Variants in NLGN1 observed in about 807,000 individuals in gnomAD.
The protein encoded by NLGN1 is neuroligin-1.
Under a neutral mutation model 65.5 loss-of-function variants are expected in NLGN1, and 12 were observed. That is an observed-to-expected ratio of 0.18 (90% CI 0.12 to 0.30). The LOEUF (loss-of-function observed/expected upper bound fraction) is 0.30, where lower values mean the gene tolerates loss of function less well. Ranked by LOEUF, NLGN1 falls within the 10% of genes least tolerant of loss-of-function variation. The probability of loss-of-function intolerance (pLI) is 1.00; values close to 1 mark genes in which losing one functional copy is unlikely to be tolerated. For missense variants in NLGN1, 750 were observed against 1,007.1 expected (o/e 0.74, Z 3.46); for synonymous variants, 350 against 359.5 (o/e 0.97, Z 0.30).
intron 2 of NLGN1, among the ~76,000 whole-genome samples, chr3:173,444,553 CA>C (rs1259791421): frequency 6.6e-6 from 1 of 151,722 alleles, no homozygotes; most frequent in Non-Finnish European, 1.5e-5. Context: ...TTTGGTCTTT[CA>C]AAAAAATATA....
intron 4 of NLGN1, among the ~76,000 whole-genome samples, chr3:174,223,116 C>T (rs181180026): frequency 1.2e-4 from 18 of 152,218 alleles, no homozygotes; most frequent in East Asian, 1.9e-4. Context: ...GATACTTCAA[C>T]TCTCCTAACA....
At chr3:174,118,302 G>A (rs567921419) in intron 4 of NLGN1, among the ~76,000 whole-genome samples, 7 of 152,130 alleles carry the variant, frequency 4.6e-5, no homozygotes, top group South Asian at 2.1e-4. Flanking sequence ...CTGCTTCAGC[G>A]TCAGAGCTCT....
At chr3:173,579,973 A>G (rs2149359643) in intron 2 of NLGN1, among the ~76,000 whole-genome samples, 1 of 152,224 alleles carries the variant, frequency 6.6e-6, no homozygotes, top group South Asian at 2.1e-4. Context: ...TAGTAGGTAT[A>G]TATGTTTATG....
chr3:173,914,956 C>T (rs532910447), intron 4 of NLGN1: 6 of 152,174 alleles, frequency 3.9e-5, no homozygotes, highest in South Asian at 4.1e-4. Context: ...TTATTTTCAA[C>T]GGCGAATAAT....
chr3:173,580,734 G>A, intron 2 of NLGN1, among the ~76,000 whole-genome samples: 1 of 151,586 alleles, frequency 6.6e-6, no homozygotes. Context: ...ACCTTACTCT[G>A]TGAACTCATT....
chr3:173,461,192 C>T (rs1256726131), intron 2 of NLGN1, among the ~76,000 whole-genome samples: 7 of 152,098 alleles, frequency 4.6e-5, no homozygotes, highest in East Asian at 1.9e-4. Flanking sequence ...CATGCATGGC[C>T]GAAATCCTTG....
intron 4 of NLGN1, among the ~76,000 whole-genome samples, chr3:174,089,196 G>A (rs190509593): frequency 6.6e-6 from 1 of 152,246 alleles, no homozygotes; most frequent in Non-Finnish European, 1.5e-5. Context: ...GGACGGGAGC[G>A]TGATCAGCAT....
chr3:174,280,977 C>G lies in NLGN1; in HGVS notation c.2146C>G (p.Arg716Gly), dbSNP rs1466970348. ...TGTTCACAGGAGATGCAGCCCTCAG[C>G]GCACTACTACCAATGATCTAACCCA... The change falls in exon 7 of 7, where the codon CGC becomes GGC. Residue 716 changes from arginine to glycine, a missense_variant. Transcript: ENST00000457714. This position sits in a 1 kb window ranked among gnomAD's most constrained non-coding sequence, Gnocchi z 4.9. 1 of 1,613,340 alleles carries G rather than the reference C, an allele frequency of 6.2e-7. No individual in the cohort carries two copies. Among genetic ancestry groups the G allele is most frequent in the African/African-American group, 1.3e-5 (1 of 74,958 alleles).
At chr3:173,810,979 A>G (rs2150472013) in intron 4 of NLGN1, among the ~76,000 whole-genome samples, 1 of 152,308 alleles carries the variant, frequency 6.6e-6, no homozygotes, top group South Asian at 2.1e-4. Context: ...AGGGAAGGGA[A>G]TGCAGGACTC....
chr3:173,996,843 G>A (rs1030838656), intron 4 of NLGN1, among the ~76,000 whole-genome samples: 2 of 152,142 alleles, frequency 1.3e-5, no homozygotes, highest in Admixed American at 6.5e-5. Context: ...TTCTGGCAGG[G>A]GAGGTGGTTG....
At chr3:173,993,264 C>G (rs985524327) in intron 4 of NLGN1, among the ~76,000 whole-genome samples, 2 of 152,120 alleles carry the variant, frequency 1.3e-5, no homozygotes, top group Admixed American at 6.5e-5. Context: ...AGATCAATGC[C>G]TCATGGGTTT....
In NLGN1 at chr3:173,474,053, A is replaced by C. The variant is rs574675951; in HGVS notation, c.-321+38975A>C. Among the ~76,000 whole-genome samples, 7 of 152,300 alleles carry C rather than the reference A, an allele frequency of 4.6e-5. No homozygotes were observed. The South Asian group carries it at 6.2e-4, about 14-fold the overall frequency. ...ATGTTGTTAGCCTAGGCCAGGTCTC[A>C]GTTGAACTTTTTAATACTGGGTGTA... On this transcript the variant is annotated intron_variant, in intron 2 of 6. Coordinates refer to ENST00000457714, the Ensembl canonical transcript of NLGN1.
intron 3 of NLGN1, among the ~76,000 whole-genome samples, chr3:173,786,131 T>A (rs1781915415): frequency 6.6e-6 from 1 of 151,964 alleles, no homozygotes; most frequent in South Asian, 2.1e-4. Context: ...TCCCTAGGTA[T>A]TTTTTTTATG....
chr3:174,124,616 T>C (rs1376839618), intron 4 of NLGN1, among the ~76,000 whole-genome samples: 1 of 146,266 alleles, frequency 6.8e-6, no homozygotes, highest in Non-Finnish European at 1.5e-5. Context: ...TACGTATATA[T>C]ACGTATACAC....
At chr3:173,654,694 G>A (rs1759713909) in intron 3 of NLGN1, among the ~76,000 whole-genome samples, 3 of 152,096 alleles carry the variant, frequency 2.0e-5, no homozygotes, top group Admixed American at 2.0e-4. Flanking sequence ...TAGGATTGAA[G>A]AATTATGTAT....
intron 3 of NLGN1, among the ~76,000 whole-genome samples, chr3:173,611,120 A>G (rs1402598680): frequency 6.6e-6 from 1 of 151,994 alleles, no homozygotes; most frequent in Non-Finnish European, 1.5e-5. Flanking sequence ...GCAGAAGTAT[A>G]GTGGGGTTCT....
chr3:173,575,123 A>G (rs1745302201), intron 2 of NLGN1, among the ~76,000 whole-genome samples: 1 of 152,206 alleles, frequency 6.6e-6, no homozygotes, highest in Non-Finnish European at 1.5e-5. Context: ...CTGGCTTCAA[A>G]GGCCTTGGCC....
At chr3:174,083,578 A>G (rs1742670837) in intron 4 of NLGN1, among the ~76,000 whole-genome samples, 1 of 152,174 alleles carries the variant, frequency 6.6e-6, no homozygotes, top group Non-Finnish European at 1.5e-5. Context: ...CTTGCATGAC[A>G]TCTTTAACTA....
At chr3:173,950,118 T>C (rs1223919605) in intron 4 of NLGN1, among the ~76,000 whole-genome samples, 2 of 152,200 alleles carry the variant, frequency 1.3e-5, no homozygotes, top group East Asian at 3.9e-4. Context: ...TTCTTTATTA[T>C]CTATAAATGC....
Sources: allele counts gnomAD v4.1 joint callset (sites outside exome capture counted in the v4.1 genomes callset), GRCh38; gene constraint gnomAD v4.1.1; non-coding constraint Gnocchi (gnomAD v3.1); transcripts MANE v1.5; gene names NCBI Gene and HGNC (gene_info 2026-07-23, HGNC 2026-07-21).